The following CLIP2 variants were observed in gnomAD, a reference collection of about 807,000 sequenced individuals.
CLIP2 encodes the protein CAP-Gly domain-containing linker protein 2.
CLIP2 carries 41 observed loss-of-function variants against 111.7 expected under a neutral mutation model. The observed-to-expected ratio is 0.37, with a 90% CI of 0.29 to 0.48. The LOEUF (loss-of-function observed/expected upper bound fraction) is 0.48, where lower values mean the gene tolerates loss of function less well. CLIP2 is among the 20% of genes least tolerant of loss of function. CLIP2 has a pLI of 0.99. For synonymous variants in CLIP2, 660 were observed against 644.2 expected, an observed-to-expected ratio of 1.02 and a Z score of -0.37; for missense variants, 1,160 against 1,422.1, an observed-to-expected ratio of 0.82 and a Z score of 2.96.
At chr7:74,379,146 C>A (rs1432244009) in intron 10 of CLIP2, among the ~76,000 whole-genome samples, 1 of 152,024 alleles carries the variant, frequency 6.6e-6, no homozygotes. Context: ...GCCCTTGGAC[C>A]AAGAAGTAGT....
intron 16 of CLIP2, among the ~76,000 whole-genome samples, chr7:74,403,633 C>T (rs2116721232): frequency 6.6e-6 from 1 of 152,308 alleles, no homozygotes; most frequent in South Asian, 2.1e-4. Context: ...TTCCCATCAG[C>T]ACCTCCCACC....
At chr7:74,386,407 C>A (rs924937310) in intron 11 of CLIP2, 114 bp from the exon 12 acceptor site, 6 of 762,262 alleles carry the variant, frequency 7.9e-6, no homozygotes, top group Middle Eastern at 2.3e-4. Flanking sequence ...GAACTTGGAC[C>A]CTGGAGGCCA....
intron 7 of CLIP2, among the ~76,000 whole-genome samples, chr7:74,361,176 T>TTTCCTTCCTTCCTTCCTTCCTTCCTCCC (rs1790319267): frequency 1.6e-5 from 1 of 62,016 alleles, no homozygotes; most frequent in Non-Finnish European, 3.3e-5. Flanking sequence ...CCCTCCCTTC[T>TTTCCTTCCTTCCTTCCTTCCTTCCTCCC]TTCCTTCCTT....
intron 14 of CLIP2, among the ~76,000 whole-genome samples, chr7:74,399,957 A>G (rs1791573148): frequency 6.6e-6 from 1 of 151,622 alleles, no homozygotes; most frequent in Non-Finnish European, 1.5e-5. Flanking sequence ...GATTGAGACC[A>G]TCCTGGCTAA....
chr7:74,315,460 G>T (rs1584318724), intron 1 of CLIP2, among the ~76,000 whole-genome samples: 3 of 152,180 alleles, frequency 2.0e-5, no homozygotes, highest in East Asian at 3.9e-4. Context: ...GCCCAGGTGG[G>T]TCTTGAGTTC....
intron 12 of CLIP2, 26 bp downstream of exon 12, chr7:74,386,630 T>C: frequency 1.9e-6 from 3 of 1,566,672 alleles, no homozygotes; most frequent in Non-Finnish European, 2.6e-6. Flanking sequence ...GCAGGGCAGA[T>C]GCGGGGGGCT....
chr7:74,390,218 A>AAAGAAAGAAAGG (rs1791259169), intron 13 of CLIP2, among the ~76,000 whole-genome samples: 1 of 84,938 alleles, frequency 1.2e-5, no homozygotes, highest in Admixed American at 1.1e-4. Flanking sequence ...AGAAAGAAAG[A>AAAGAAAGAAAGG]AAGAAAGGAT....
At chr7:74,367,477 A>G (rs1455115333) in intron 8 of CLIP2, among the ~76,000 whole-genome samples, 1 of 152,176 alleles carries the variant, frequency 6.6e-6, no homozygotes. Context: ...GGCGTGAGCC[A>G]CCATGCCTGG....
At chr7:74,330,143 G>C (rs1637188) in intron 2 of CLIP2, among the ~76,000 whole-genome samples, 92,256 of 150,618 alleles carry the variant, frequency 0.61, 30,131 homozygotes, top group Middle Eastern at 0.74. Context: ...TGCCCAGGCT[G>C]ATCTTGAACT....
chr7:74,291,144 C>T (rs1212090412), intron 1 of CLIP2, among the ~76,000 whole-genome samples: 1 of 152,136 alleles, frequency 6.6e-6, no homozygotes, highest in Non-Finnish European at 1.5e-5. Context: ...TCTGCAGTGC[C>T]TTGCGGGGGA....
chr7:74,377,311 G>A (rs144701750), intron 10 of CLIP2, among the ~76,000 whole-genome samples: 55 of 152,368 alleles, frequency 3.6e-4, no homozygotes, highest in African/African-American at 1.2e-3. Context: ...CTTTAGCAAC[G>A]GTGCCAACGA....
intron 11 of CLIP2, 67 bp downstream of exon 11, chr7:74,380,930 G>T (rs913198783): frequency 2.0e-6 from 3 of 1,495,776 alleles, no homozygotes; most frequent in East Asian, 2.3e-5. Flanking sequence ...CTGCCTTCCT[G>T]CTGGGTCACA....
intron 1 of CLIP2, among the ~76,000 whole-genome samples, chr7:74,299,786 C>G (rs1554726522): frequency 6.6e-6 from 1 of 151,768 alleles, no homozygotes; most frequent in African/African-American, 2.4e-5. Flanking sequence ...GCATCCTCCA[C>G]CTTCCGGGTT....
intron 1 of CLIP2, among the ~76,000 whole-genome samples, chr7:74,298,372 T>C (rs1477553853): frequency 6.7e-6 from 1 of 149,210 alleles, no homozygotes; most frequent in Non-Finnish European, 1.5e-5. Flanking sequence ...TTTTTTTTTT[T>C]TTTGTATTTT....
chr7:74,313,751 AT>A, intron 1 of CLIP2, among the ~76,000 whole-genome samples: 1 of 152,236 alleles, frequency 6.6e-6, no homozygotes, highest in East Asian at 1.9e-4. Flanking sequence ...AGCAGGGAGA[AT>A]TCTTCCTAAA....
intron 3 of CLIP2, among the ~76,000 whole-genome samples, chr7:74,350,489 T>A (rs1389470585): frequency 6.6e-6 from 1 of 152,112 alleles, no homozygotes; most frequent in East Asian, 1.9e-4. Context: ...ATTACAGGCA[T>A]GAGCCACCAT....
Position 74,403,923 on chromosome 7 carries a change from G to T in CLIP2, c.*75G>T, listed in dbSNP as rs1791694714. On this transcript the variant is annotated 3_prime_UTR_variant, in exon 17 of 17. Coordinates refer to ENST00000223398, the MANE Select transcript of CLIP2 (RefSeq NM_003388.5). ...GGCTGCCCGGCAGTACCTCCTCCAG[G>T]CAGGAGCCGGGACTGTCACTTTGGA... The T allele has an allele frequency of 2.7e-5, 40 of 1,504,546 alleles. No homozygotes were observed. In the South Asian group the frequency reaches 4.5e-4, roughly 17 times the overall value. The allele number at this position is 1,504,546 out of a possible 1,614,324, so 93.2% of individuals were successfully genotyped here.
chr7:74,317,601 C>T lies in CLIP2; in HGVS notation c.55C>T (p.Pro19Ser). The T allele has an allele frequency of 1.3e-6, 2 of 1,524,956 alleles. No individual in the cohort carries two copies. The highest frequency in any genetic ancestry group is 1.8e-6 in the Non-Finnish European group (2 of 1,130,352). The allele number at this position is 1,524,956 out of a possible 1,614,324, so 94.5% of individuals were successfully genotyped here. A position where few individuals can be genotyped will look rare whatever the true frequency, so the allele number is the denominator to read the frequency against. ...PPGRGGKHSSPMGRTSTGSAS... is the reference protein window; with the variant it reads ...PPGRGGKHSSSMGRTSTGSAS... The stretch of plus-strand genomic sequence containing the variant: ...CGGCCGTGGGGGGAAGCACTCCAGC[C>T]CCATGGGCCGGACATCTACTGGGTC... Residue 19 changes from proline to serine, a missense_variant, in exon 2 of 17, where the codon CCC becomes TCC. Around this residue, in one of 5 missense-constraint regions of CLIP2, gnomAD observed 301 missense variants for 315.2 expected, o/e 0.96. Coordinates refer to ENST00000223398, the MANE Select transcript of CLIP2 (RefSeq NM_003388.5).
intron 2 of CLIP2, among the ~76,000 whole-genome samples, chr7:74,336,333 G>C (rs1789457631): frequency 6.6e-6 from 1 of 152,136 alleles, no homozygotes; most frequent in African/African-American, 2.4e-5. Context: ...CCCGCAAAGT[G>C]CTGGGATTAT....
Sources: gnomAD v4.1 joint callset for allele counts (sites outside exome capture counted in the v4.1 genomes callset) on GRCh38, gnomAD v4.1.1 for gene constraint, gnomAD v4.1.1 regional missense constraint, MANE v1.5 for transcripts, NCBI Gene and HGNC (gene_info 2026-07-23, HGNC 2026-07-21) for gene names.